CYB5B: variants seen among roughly 807,000 people sequenced by gnomAD.
The protein encoded by CYB5B is cytochrome b5 type B (outer mitochondrial membrane).
A neutral mutation model predicts 21.3 loss-of-function variants in CYB5B; 14 were observed. The ratio of observed to expected loss-of-function variants is 0.66; its 90% confidence interval spans 0.43 to 1.03. The LOEUF is 1.03. CYB5B is among the 50% of genes least tolerant of loss of function. CYB5B has a pLI of 0.00. For synonymous variants in CYB5B, 69 were observed against 68.4 expected (o/e 1.01, Z -0.04); for missense variants, 166 against 185.1 (o/e 0.90, Z 0.60).
At chr16:69,456,272 G>A (rs2014983284) in intron 3 of CYB5B, among the ~76,000 whole-genome samples, 1 of 152,032 alleles carries the variant, frequency 6.6e-6, no homozygotes, top group African/African-American at 2.4e-5. Context: ...TCCCAGTGTT[G>A]GGATTCACCA....
chr16:69,424,930 G>T, intron 1 of CYB5B, 73 bp downstream of exon 1: 1 of 1,376,926 alleles, frequency 7.3e-7, no homozygotes, highest in East Asian at 2.8e-5. Context: ...GAGTGTATGT[G>T]GGAAGGAAGG....
intron 1 of CYB5B, among the ~76,000 whole-genome samples, chr16:69,425,662 A>G (rs973420210): frequency 1.3e-5 from 2 of 152,154 alleles, no homozygotes; most frequent in Non-Finnish European, 2.9e-5. Flanking sequence ...AAATGTATTC[A>G]TCCATGTTAA....
At chr16:69,460,321 A>T (rs763890234) in intron 4 of CYB5B, among the ~76,000 whole-genome samples, 3 of 152,204 alleles carry the variant, frequency 2.0e-5, no homozygotes, top group Non-Finnish European at 4.4e-5. Flanking sequence ...TAGGTAGAAG[A>T]TATAAAGAAT....
At chr16:69,455,009 T>G (rs201622784) in intron 3 of CYB5B, among the ~76,000 whole-genome samples, 2 of 152,152 alleles carry the variant, frequency 1.3e-5, no homozygotes. Flanking sequence ...TTCTCCTGCC[T>G]CAGCCTCTCA....
chr16:69,438,191 C>T (rs1807130753), intron 1 of CYB5B, among the ~76,000 whole-genome samples: 2 of 152,152 alleles, frequency 1.3e-5, no homozygotes, highest in African/African-American at 4.8e-5. Context: ...TTTTACTTAG[C>T]ATAATGTCTT....
rs533018583 is a variant in CYB5B, at chr16:69,455,999, G to C, written c.334-3094G>C. ...TCTGAGCTTTTCGTTTTACAAACGA[G>C]GAAACTGATTTATAACATTGGGCTT... On this transcript the variant is annotated intron_variant, in intron 3 of 4. Transcript: ENST00000307892. Among the ~76,000 whole-genome samples the C allele has an allele frequency of 4.6e-5, 7 of 152,214 alleles. No individual in the cohort carries two copies. The East Asian group carries it at 1.4e-3, about 29-fold the overall frequency.
At chr16:69,438,127 C>G (rs2014779964) in intron 1 of CYB5B, among the ~76,000 whole-genome samples, 1 of 152,110 alleles carries the variant, frequency 6.6e-6, no homozygotes, top group Non-Finnish European at 1.5e-5. Context: ...ATCAATTTGA[C>G]TACTCTAGAA....
intron 1 of CYB5B, among the ~76,000 whole-genome samples, chr16:69,437,681 A>G (rs1192770389): frequency 6.6e-6 from 1 of 152,172 alleles, no homozygotes; most frequent in African/African-American, 2.4e-5. Flanking sequence ...TTACGTTTAC[A>G]CTGTTATGCA....
At chr16:69,448,582 C>T (rs1354922071) in intron 3 of CYB5B, 5 of 163,482 alleles carry the variant, frequency 3.1e-5, no homozygotes, top group African/African-American at 1.2e-4. Flanking sequence ...ACTTATTTTC[C>T]AAATTTAATT....
At chr16:69,434,819 C>T (rs986144032) in intron 1 of CYB5B, among the ~76,000 whole-genome samples, 2 of 147,496 alleles carry the variant, frequency 1.4e-5, no homozygotes, top group Non-Finnish European at 1.5e-5. Context: ...GCTGAGATCG[C>T]GCCACTGCAC....
At chr16:69,461,887 A>C (rs551094979) in intron 4 of CYB5B, among the ~76,000 whole-genome samples, 64 of 152,342 alleles carry the variant, frequency 4.2e-4, no homozygotes, top group Non-Finnish European at 8.1e-4. Context: ...AGATGAGAAT[A>C]ATAACCCTAT....
chr16:69,429,270 T>G (rs2142808119), intron 1 of CYB5B, among the ~76,000 whole-genome samples: 1 of 152,260 alleles, frequency 6.6e-6, no homozygotes, highest in Non-Finnish European at 1.5e-5. Flanking sequence ...AGAACAAAGT[T>G]TCCACAGTGT....
At chr16:69,435,375 A>G (rs909519903) in intron 1 of CYB5B, among the ~76,000 whole-genome samples, 4 of 152,230 alleles carry the variant, frequency 2.6e-5, no homozygotes, top group Non-Finnish European at 5.9e-5. Context: ...TCTTTTGAGT[A>G]CCAAGTGGCA....
At chr16:69,431,496 G>T (rs932371685) in intron 1 of CYB5B, among the ~76,000 whole-genome samples, 1 of 151,942 alleles carries the variant, frequency 6.6e-6, no homozygotes, top group Non-Finnish European at 1.5e-5. Flanking sequence ...ACAAAGCTGG[G>T]TGCAGTGGCT....
chr16:69,449,188 G>C (rs2014907613), intron 3 of CYB5B: 2 of 151,300 alleles, frequency 1.3e-5, no homozygotes, highest in Non-Finnish European at 2.9e-5. Flanking sequence ...CCTAACACAT[G>C]TACTATCCAT....
Position 69,465,254 on chromosome 16 carries a change from CGAA to C in CYB5B, c.*2736_*2738del, listed in dbSNP as rs1567477574. The C allele has an allele frequency of 6.5e-6, 1 of 152,758 alleles. No homozygotes were observed. 9.5% of individuals were successfully genotyped at this position (152,758 alleles called of 1,614,324 possible). A position where few individuals can be genotyped will look rare whatever the true frequency, so the allele number is the denominator to read the frequency against. ...CTGTACACATCATGGCTGCTGGACA[CGAA>C]GGAGGAGGTGAGAGAAGTTTCATGC... On this transcript the variant is annotated 3_prime_UTR_variant, in exon 5 of 5. Coordinates refer to ENST00000307892, the MANE Select transcript of CYB5B (RefSeq NM_030579.3).
At chr16:69,456,326 G>A (rs962646604) in intron 3 of CYB5B, among the ~76,000 whole-genome samples, 1 of 151,962 alleles carries the variant, frequency 6.6e-6, no homozygotes, top group Non-Finnish European at 1.5e-5. Context: ...ATTTTAGTGG[G>A]GAATTAAAGC....
intron 1 of CYB5B, among the ~76,000 whole-genome samples, chr16:69,425,083 A>T (rs1408728602): frequency 6.6e-6 from 1 of 152,134 alleles, no homozygotes. Context: ...ATCATGTATT[A>T]CTTATGTGTC....
rs903397023 is a variant in CYB5B, at chr16:69,462,844, G to T, written c.*324G>T. ...ACATTGCTCTTTGGTAAAAATGCCTGCTTTCCAATACTTTGATTGCATATT... is the reference window on the plus strand; with the variant it reads ...ACATTGCTCTTTGGTAAAAATGCCTTCTTTCCAATACTTTGATTGCATATT... On this transcript the variant is annotated 3_prime_UTR_variant, in exon 5 of 5. Transcript: ENST00000307892. 2.1e-5 allele frequency: 5 copies of T among 233,084 alleles called. No homozygotes were observed. The highest frequency in any genetic ancestry group is 4.3e-5 in the Non-Finnish European group (5 of 116,154). The allele number at this position is 233,084 out of a possible 1,614,324, so 14.4% of individuals were successfully genotyped here.
Sources: allele counts gnomAD v4.1 joint callset (sites outside exome capture counted in the v4.1 genomes callset), GRCh38; gene constraint gnomAD v4.1.1; transcripts MANE v1.5; gene names NCBI Gene and HGNC (gene_info 2026-07-23, HGNC 2026-07-21).